SSR3: variants seen among roughly 807,000 people sequenced by gnomAD.
The protein encoded by SSR3 is signal sequence receptor subunit 3.
Under a neutral mutation model 22.1 loss-of-function variants are expected in SSR3, and 10 were observed. The observed-to-expected ratio is 0.45, with a 90% CI of 0.28 to 0.77. The LOEUF is 0.77. Among genes scored for constraint, SSR3 ranks in the 30% least tolerant of loss-of-function variants. The pLI is 0.13. For missense variants in SSR3, 181 were observed against 220.5 expected, an observed-to-expected ratio of 0.82 and a Z score of 1.13; for synonymous variants, 104 against 82.5, an observed-to-expected ratio of 1.26 and a Z score of -1.42.
chr3:156,544,797 T>C (rs1719702502), intron 3 of SSR3, among the ~76,000 whole-genome samples: 1 of 152,202 alleles, frequency 6.6e-6, no homozygotes, highest in Non-Finnish European at 1.5e-5. Context: ...TAGCAGCCTG[T>C]GGAGTTTCCT....
At chr3:156,553,147 C>G (rs1481004524) in intron 2 of SSR3, among the ~76,000 whole-genome samples, 1 of 152,020 alleles carries the variant, frequency 6.6e-6, no homozygotes, top group Non-Finnish European at 1.5e-5. Context: ...GGCCCAGCTA[C>G]TTGGGAGGCT....
rs1172870229 is a variant in SSR3 at position 156,543,165 on chromosome 3, C to A, written c.*38G>T. The A allele has an allele frequency of 2.5e-6, 4 of 1,598,024 alleles. No individual in the cohort carries two copies. Among genetic ancestry groups the A allele is most frequent in the Non-Finnish European group, 2.6e-6 (3 of 1,167,040 alleles). On this transcript the variant is annotated 3_prime_UTR_variant, in exon 5 of 5. Coordinates refer to ENST00000265044, the MANE Select transcript of SSR3 (RefSeq NM_007107.5). ...CTACTTTTCCATATACCACAGGCCA[C>A]CCATAGACACAAAGCCAGGGGGTGA... is the stretch of plus-strand genomic sequence containing the variant.
chr3:156,545,238 AAATT>A (rs1407136251), intron 3 of SSR3, among the ~76,000 whole-genome samples: 2 of 152,218 alleles, frequency 1.3e-5, no homozygotes, highest in East Asian at 3.8e-4. Flanking sequence ...ATGCCCATAG[AAATT>A]AATTGAGTTG....
chr3:156,550,990 C>T (rs1366137150), intron 2 of SSR3, among the ~76,000 whole-genome samples: 1 of 152,196 alleles, frequency 6.6e-6, no homozygotes, highest in Non-Finnish European at 1.5e-5. Flanking sequence ...CACTGGAACC[C>T]AGACTGTCAA....
chr3:156,553,849 T>C, intron 1 of SSR3, 68 bp from the exon 2 acceptor site: 12 of 1,487,862 alleles, frequency 8.1e-6, no homozygotes, highest in Non-Finnish European at 1.1e-5. Flanking sequence ...AACAAAAGCC[T>C]GCGAAATTAA....
intron 3 of SSR3, among the ~76,000 whole-genome samples, chr3:156,547,824 C>T (rs905645677): frequency 8.5e-5 from 13 of 152,166 alleles, no homozygotes; most frequent in African/African-American, 3.1e-4. Context: ...TGCTGCTTCT[C>T]GTCAGACAAT....
At position 156,544,323 on chromosome 3, in the gene SSR3, T is replaced by A. The variant is rs1576998944; in HGVS notation, c.476A>T (p.Asn159Ile). 1 of 1,591,444 alleles carries A rather than the reference T, an allele frequency of 6.3e-7. No individual in the cohort carries two copies. The highest frequency in any genetic ancestry group is 8.5e-7 in the Non-Finnish European group (1 of 1,169,614). Residue 159 changes from asparagine (N) to isoleucine (I), a missense_variant, in exon 4 of 5, where the codon AAC becomes ATC. By Grantham distance (149) the Asn-to-Ile change is moderately radical. Transcript: ENST00000265044. ...AAAAGGATACACTGTGGGGTTGAAG[T>A]TCTTCAATATGAAGAAGGAAGCAAC... ...VIVASFFILKNFNPTVNYILS... is the reference protein window; with the variant it reads ...VIVASFFILKIFNPTVNYILS...
At chr3:156,549,263 A>C (rs1559944964) in intron 2 of SSR3, among the ~76,000 whole-genome samples, 1 of 152,242 alleles carries the variant, frequency 6.6e-6, no homozygotes, top group East Asian at 1.9e-4. Context: ...ACAGTTTAGG[A>C]ATTAATGTGG....
Position 156,541,747 on chromosome 3 carries a change from T to C in SSR3, c.*1456A>G, listed in dbSNP as rs1276052743. 1.3e-5 allele frequency: 2 copies of C among 152,254 alleles called. No individual in the cohort carries two copies. The highest frequency in any genetic ancestry group is 2.1e-4 in the South Asian group (1 of 4,820). The allele number at this position is 152,254 out of a possible 1,614,324, so 9.4% of individuals were successfully genotyped here. On this transcript the variant is annotated 3_prime_UTR_variant, in exon 5 of 5. Transcript: ENST00000265044. ...TCCAGTGATGGCACCTAGATAATAA[T>C]GCACCAAAGAAAAGTAAAGAATTGC...
At position 156,554,991 on chromosome 3, in the gene SSR3, G is replaced by A. The variant is rs748708026; in HGVS notation, c.99C>T (p.Phe33=). 2 of 1,613,888 alleles carry A rather than the reference G, an allele frequency of 1.2e-6. No homozygotes were observed. Among genetic ancestry groups the A allele is most frequent in the African/African-American group, 1.3e-5 (1 of 74,930 alleles). The change falls in exon 1 of 5, where the codon TTC becomes TTT. Residue 33 remains phenylalanine, a synonymous_variant. Transcript: ENST00000265044. ...NLSAKSSALF[F]GNAFIVSAIP... is the part of the protein sequence containing the mutation. ...TGGCAGACACGATGAACGCGTTTCC[G>A]AAGAAGAGCGCGGAGGACTTGGCCG...
At position 156,548,846 on chromosome 3, in the gene SSR3, A is replaced by G. The variant is rs769468585; in HGVS notation, c.359+59T>C. 3 of 1,580,402 alleles carry G rather than the reference A, an allele frequency of 1.9e-6. No homozygotes were observed. In the South Asian group the frequency reaches 3.5e-5, roughly 18 times the overall value. ...ATCCAAATTCTTTAAGCAAAAATCAAAAAATTCTCTTCAAAGTACCCCCTT... is the reference window on the plus strand; with the variant it reads ...ATCCAAATTCTTTAAGCAAAAATCAGAAAATTCTCTTCAAAGTACCCCCTT... On this transcript the variant is annotated intron_variant, in intron 3 of 4. Transcript: ENST00000265044.
rs778131495 is a variant in SSR3 at position 156,543,161 on chromosome 3, G to A, written c.*42C>T. On this transcript the variant is annotated 3_prime_UTR_variant, in exon 5 of 5. Coordinates refer to ENST00000265044, the MANE Select transcript of SSR3 (RefSeq NM_007107.5). ...CCTGCTACTTTTCCATATACCACAG[G>A]CCACCCATAGACACAAAGCCAGGGG... The A allele has an allele frequency of 3.2e-6, 5 of 1,581,304 alleles. No individual in the cohort carries two copies. The highest frequency in any genetic ancestry group is 2.2e-5 in the East Asian group (1 of 44,692).
At chr3:156,551,604 G>C (rs1171387708) in intron 2 of SSR3, 1 of 152,236 alleles carries the variant, frequency 6.6e-6, no homozygotes, top group African/African-American at 2.4e-5. Flanking sequence ...TTTGTGTCCA[G>C]AACAGTAGGG....
At chr3:156,546,526 A>G (rs1719768397) in intron 3 of SSR3, among the ~76,000 whole-genome samples, 1 of 152,220 alleles carries the variant, frequency 6.6e-6, no homozygotes, top group Non-Finnish European at 1.5e-5. Flanking sequence ...ACATCAGTGT[A>G]TAAAGTCAGG....
chr3:156,553,040 TAAA>T (rs137859101), intron 2 of SSR3, among the ~76,000 whole-genome samples: 2 of 136,546 alleles, frequency 1.5e-5, no homozygotes, highest in Non-Finnish European at 3.2e-5. Flanking sequence ...GACAGAGAGT[TAAA>T]AAAAAAAAAA....
rs567255377 is a variant in SSR3, at chr3:156,539,639, A to T, written c.*3564T>A. ...CCTGAAAATTTAAACCAACCCCCCAAAAGACCCTCCTAATCTATTAATTCC... is the reference window on the plus strand; with the variant it reads ...CCTGAAAATTTAAACCAACCCCCCATAAGACCCTCCTAATCTATTAATTCC... On this transcript the variant is annotated 3_prime_UTR_variant, in exon 5 of 5. Coordinates refer to ENST00000265044, the MANE Select transcript of SSR3 (RefSeq NM_007107.5). Among the ~76,000 whole-genome samples the T allele has an allele frequency of 4.0e-5, 6 of 151,740 alleles. No individual in the cohort carries two copies. In the South Asian group the frequency reaches 1.2e-3, roughly 31 times the overall value.
Position 156,554,999 on chromosome 3 carries a change from G to C in SSR3, c.91C>G (p.Leu31Val), listed in dbSNP as rs1720099158. Residue 31 changes from leucine to valine, a missense_variant, in exon 1 of 5, where the codon CTC becomes GTC. Leu to Val is a conservative substitution (Grantham distance 32, BLOSUM62 1). Coordinates refer to ENST00000265044, the MANE Select transcript of SSR3 (RefSeq NM_007107.5). ...SRNLSAKSSA[L>V]FFGNAFIVSA... is the part of the protein sequence containing the mutation. ...ACGATGAACGCGTTTCCGAAGAAGAGCGCGGAGGACTTGGCCGAGAGATTG... is the reference window on the plus strand; with the variant it reads ...ACGATGAACGCGTTTCCGAAGAAGACCGCGGAGGACTTGGCCGAGAGATTG... The C allele has an allele frequency of 1.2e-6, 2 of 1,614,054 alleles. No homozygotes were observed. The highest frequency in any genetic ancestry group is 1.7e-6 in the Non-Finnish European group (2 of 1,179,956).
chr3:156,550,363 T>C (rs370353744), intron 2 of SSR3, among the ~76,000 whole-genome samples: 4 of 152,344 alleles, frequency 2.6e-5, no homozygotes, highest in South Asian at 2.1e-4. Flanking sequence ...AGTCAACCGA[T>C]TGTCCACATG....
rs1489686726 is a variant in SSR3 at position 156,540,238 on chromosome 3, C to T, written c.*2965G>A. 6.6e-6 allele frequency: 1 copy of T among 152,130 alleles called. No homozygotes were observed. Among genetic ancestry groups the T allele is most frequent in the Non-Finnish European group, 1.5e-5 (1 of 68,018 alleles). The allele number at this position is 152,130 out of a possible 1,614,324, so 9.4% of individuals were successfully genotyped here. On this transcript the variant is annotated 3_prime_UTR_variant, in exon 5 of 5. Coordinates refer to ENST00000265044, the MANE Select transcript of SSR3 (RefSeq NM_007107.5). ...CTCCATATTTCAGTTAACTTCAAAC[C>T]TTGTTTCAAATTATCCTTTCCAAGT...
Sources: allele counts gnomAD v4.1 joint callset (sites outside exome capture counted in the v4.1 genomes callset), GRCh38; gene constraint gnomAD v4.1.1; transcripts MANE v1.5; gene names NCBI Gene and HGNC (gene_info 2026-07-23, HGNC 2026-07-21).